Variants in CNBD1 observed in about 807,000 individuals in gnomAD.
CNBD1 encodes cyclic nucleotide binding domain containing 1.
CNBD1 carries 71 observed loss-of-function variants against 54.4 expected under a neutral mutation model. The observed-to-expected ratio is 1.30, with a 90% CI of 1.08 to 1.59. The LOEUF (loss-of-function observed/expected upper bound fraction) is 1.59. CNBD1 is among the 40% of genes most tolerant of loss of function. The pLI is 0.00. For missense variants in CNBD1, 659 were observed against 518.0 expected (o/e 1.27, Z -2.64); for synonymous variants, 182 against 170.7 (o/e 1.07, Z -0.51).
At chr8:87,107,817 CA>C (rs1002890236) in intron 4 of CNBD1, among the ~76,000 whole-genome samples, 70 of 152,218 alleles carry the variant, frequency 4.6e-4, no homozygotes, top group African/African-American at 1.6e-3. Flanking sequence ...TGGGAAGGCC[CA>C]AAACTCTGCC....
At chr8:87,324,131 C>A (rs1809607392) in intron 8 of CNBD1, among the ~76,000 whole-genome samples, 1 of 124,162 alleles carries the variant, frequency 8.1e-6, no homozygotes, top group Admixed American at 7.9e-5. Flanking sequence ...ATTGAACCAG[C>A]CTTGCATCCC....
intron 8 of CNBD1, among the ~76,000 whole-genome samples, chr8:87,324,207 G>T (rs1809611350): frequency 7.7e-6 from 1 of 129,430 alleles, no homozygotes; most frequent in South Asian, 2.3e-4. Context: ...CGGTTTGCCA[G>T]TATTTTATTG....
chr8:87,236,109 T>C (rs1807580055), intron 5 of CNBD1, among the ~76,000 whole-genome samples: 1 of 152,134 alleles, frequency 6.6e-6, no homozygotes, highest in Non-Finnish European at 1.5e-5. Flanking sequence ...TCTAATTCTT[T>C]CAAGTTCATA....
At chr8:87,046,196 C>A (rs748360802) in intron 4 of CNBD1, among the ~76,000 whole-genome samples, 1 of 152,078 alleles carries the variant, frequency 6.6e-6, no homozygotes, top group Non-Finnish European at 1.5e-5. Context: ...GTCTTCCACC[C>A]TTGTTGCATC....
chr8:87,305,349 T>C (rs1437306267), intron 8 of CNBD1, among the ~76,000 whole-genome samples: 1 of 151,898 alleles, frequency 6.6e-6, no homozygotes, highest in African/African-American at 2.4e-5. Context: ...AATCTACAAA[T>C]CAATGCACTT....
chr8:87,250,661 T>C (rs1807897240), intron 6 of CNBD1, among the ~76,000 whole-genome samples: 1 of 152,184 alleles, frequency 6.6e-6, no homozygotes, highest in South Asian at 2.1e-4. Context: ...TGAAATCCTA[T>C]CATTTACAAC....
chr8:87,391,056 A>G (rs1443392165), intron 2 of CNBD1, among the ~76,000 whole-genome samples: 1 of 150,534 alleles, frequency 6.6e-6, no homozygotes, highest in Non-Finnish European at 1.5e-5. Context: ...ACCCATGGAC[A>G]CAGGAAGGGG....
chr8:87,304,800 A>G (rs749423594), intron 8 of CNBD1, among the ~76,000 whole-genome samples: 2 of 152,160 alleles, frequency 1.3e-5, no homozygotes, highest in African/African-American at 4.8e-5. Context: ...CCCACAGCCA[A>G]CACAATACTG....
chr8:86,984,364 T>A (rs1042547629), intron 4 of CNBD1, among the ~76,000 whole-genome samples: 5 of 152,000 alleles, frequency 3.3e-5, no homozygotes, highest in Admixed American at 1.3e-4. Context: ...GGAAGGGAAA[T>A]GTGGGGTTGG....
intron 4 of CNBD1, among the ~76,000 whole-genome samples, chr8:86,964,476 A>G (rs1808018909): frequency 6.6e-6 from 1 of 152,318 alleles, no homozygotes; most frequent in Non-Finnish European, 1.5e-5. Flanking sequence ...GTTTGATGCA[A>G]AAGTAACATG....
chr8:87,237,959 ATT>A (rs1346567941), intron 6 of CNBD1, among the ~76,000 whole-genome samples: 1 of 149,146 alleles, frequency 6.7e-6, no homozygotes, highest in Non-Finnish European at 1.5e-5. Flanking sequence ...AAAACAATGC[ATT>A]TGCCATGTCA....
intron 4 of CNBD1, among the ~76,000 whole-genome samples, chr8:86,958,064 T>C (rs962037265): frequency 6.6e-6 from 1 of 152,218 alleles, no homozygotes; most frequent in Admixed American, 6.5e-5. Flanking sequence ...ATATCTTTAT[T>C]TCTGCCTTCA....
At chr8:87,406,997 C>T (rs749636658) in intron 2 of CNBD1, among the ~76,000 whole-genome samples, 41 of 151,730 alleles carry the variant, frequency 2.7e-4, no homozygotes, top group Non-Finnish European at 5.6e-4. Context: ...AACTTTTATT[C>T]TCATAATGAA....
At chr8:87,270,829 G>T (rs1325625245) in intron 6 of CNBD1, among the ~76,000 whole-genome samples, 1 of 151,566 alleles carries the variant, frequency 6.6e-6, no homozygotes, top group Non-Finnish European at 1.5e-5. Flanking sequence ...TTTTTGGAAG[G>T]ATTTCATAAG....
At chr8:86,977,913 A>G (rs1016989054) in intron 4 of CNBD1, among the ~76,000 whole-genome samples, 6 of 152,172 alleles carry the variant, frequency 3.9e-5, no homozygotes, top group Non-Finnish European at 8.8e-5. Context: ...TACCAAATCC[A>G]GACAAAAACA....
intron 5 of CNBD1, among the ~76,000 whole-genome samples, chr8:87,220,879 C>A (rs1168840527): frequency 1.3e-5 from 2 of 151,856 alleles, no homozygotes; most frequent in Non-Finnish European, 2.9e-5. Flanking sequence ...TAGTTGTCTA[C>A]AAATGATCAG....
chr8:86,981,014 T>C (rs1808474520), intron 4 of CNBD1, among the ~76,000 whole-genome samples: 1 of 152,114 alleles, frequency 6.6e-6, no homozygotes, highest in Non-Finnish European at 1.5e-5. Context: ...AAGAGGGGTG[T>C]GGTTATAGCA....
intron 4 of CNBD1, among the ~76,000 whole-genome samples, chr8:86,975,853 C>T (rs1007628812): frequency 6.6e-6 from 1 of 151,958 alleles, no homozygotes; most frequent in South Asian, 2.1e-4. Flanking sequence ...CAGCAACGTA[C>T]AAGGAGTTCT....
chr8:87,237,168 AACTT>A, intron 6 of CNBD1, 56 bp downstream of exon 6: 1 of 1,076,652 alleles, frequency 9.3e-7, no homozygotes, highest in East Asian at 2.4e-5. Flanking sequence ...GCTTTTGTAA[AACTT>A]TATCTCTTCC....
Sources: gnomAD v4.1 joint callset for allele counts (sites outside exome capture counted in the v4.1 genomes callset) on GRCh38, gnomAD v4.1.1 for gene constraint, MANE v1.5 for transcripts, NCBI Gene and HGNC (gene_info 2026-07-23, HGNC 2026-07-21) for gene names.